FBLN5: variants seen among roughly 807,000 people sequenced by gnomAD.
FBLN5 encodes fibulin-5.
In FBLN5, 24 loss-of-function variants were observed where a neutral mutation model predicts 61.6. The ratio of observed to expected loss-of-function variants is 0.39; its 90% CI spans 0.28 to 0.55. The LOEUF (loss-of-function observed/expected upper bound fraction) is 0.55, where lower values mean the gene tolerates loss of function less well. Among genes scored for constraint, FBLN5 ranks in the 20% least tolerant of loss-of-function variants. The pLI is 0.65. For synonymous variants in FBLN5, 213 were observed against 219.8 expected, an observed-to-expected ratio of 0.97 and a Z score of 0.27; for missense variants, 470 against 594.1, an observed-to-expected ratio of 0.79 and a Z score of 2.17.
intron 4 of FBLN5, among the ~76,000 whole-genome samples, chr14:91,917,179 A>T (rs534438851): frequency 9.2e-5 from 14 of 152,172 alleles, no homozygotes; most frequent in Non-Finnish European, 2.1e-4. Flanking sequence ...TGTTTTAGAG[A>T]TAGTCATTGG....
chr14:91,897,970 A>C (rs971145214), intron 4 of FBLN5, among the ~76,000 whole-genome samples: 6 of 152,150 alleles, frequency 3.9e-5, no homozygotes, highest in African/African-American at 1.4e-4. Flanking sequence ...GGATCACCTG[A>C]GCCCAGGAAG....
At chr14:91,906,073 G>T (rs1001457905) in intron 4 of FBLN5, among the ~76,000 whole-genome samples, 2 of 152,054 alleles carry the variant, frequency 1.3e-5, no homozygotes, top group Non-Finnish European at 2.9e-5. Context: ...TTTCAGTAGA[G>T]ACAGGGTTTT....
intron 10 of FBLN5, among the ~76,000 whole-genome samples, chr14:91,875,505 TG>T (rs2139946388): frequency 6.6e-6 from 1 of 152,324 alleles, no homozygotes; most frequent in South Asian, 2.1e-4. Flanking sequence ...TATCAGGGAC[TG>T]GTCAGTGTGA....
chr14:91,910,039 T>C (rs988259757), intron 4 of FBLN5, among the ~76,000 whole-genome samples: 2 of 152,168 alleles, frequency 1.3e-5, no homozygotes, highest in South Asian at 2.1e-4. Flanking sequence ...TACAAAATAA[T>C]TGTAAGCAGG....
At chr14:91,928,482 G>A (rs2430374) in intron 4 of FBLN5, among the ~76,000 whole-genome samples, 67,292 of 152,070 alleles carry the variant, frequency 0.44, 15,401 homozygotes, top group Middle Eastern at 0.6. Flanking sequence ...TTTAAAAAAC[G>A]AATGTATGGC....
intron 10 of FBLN5, chr14:91,874,674 T>C (rs537066446): frequency 6.6e-6 from 1 of 152,328 alleles, no homozygotes; most frequent in African/African-American, 2.4e-5. Context: ...GCACTTAGAA[T>C]AGTGTCTGGC....
chr14:91,931,951 C>T (rs934456960), intron 4 of FBLN5, among the ~76,000 whole-genome samples: 7 of 152,206 alleles, frequency 4.6e-5, no homozygotes, highest in African/African-American at 1.7e-4. Context: ...CAGCCCCACA[C>T]CGTCCTTCTC....
chr14:91,931,599 G>T (rs1251763167), intron 4 of FBLN5, among the ~76,000 whole-genome samples: 2 of 152,200 alleles, frequency 1.3e-5, no homozygotes, highest in African/African-American at 4.8e-5. Context: ...CAAATGGCCG[G>T]AATTTCTGCA....
At chr14:91,896,933 C>T (rs889081121) in intron 4 of FBLN5, among the ~76,000 whole-genome samples, 19 of 152,182 alleles carry the variant, frequency 1.2e-4, no homozygotes, top group African/African-American at 4.3e-4. Context: ...TAGCATAGGG[C>T]TTTGTGAGCT....
intron 4 of FBLN5, among the ~76,000 whole-genome samples, chr14:91,935,242 G>T (rs962139031): frequency 6.6e-6 from 1 of 152,212 alleles, no homozygotes; most frequent in African/African-American, 2.4e-5. Flanking sequence ...CAAGGGCACT[G>T]GGACCCTGGA....
At chr14:91,902,165 C>T (rs1156251363) in intron 4 of FBLN5, among the ~76,000 whole-genome samples, 3 of 152,096 alleles carry the variant, frequency 2.0e-5, no homozygotes, top group African/African-American at 7.2e-5. Context: ...GTCCCTGCCA[C>T]GGGGCCAGGG....
At chr14:91,917,408 T>C (rs1891238258) in intron 4 of FBLN5, among the ~76,000 whole-genome samples, 2 of 151,618 alleles carry the variant, frequency 1.3e-5, no homozygotes, top group African/African-American at 4.8e-5. Context: ...GAAACATGTC[T>C]CCACTAAAAA....
intron 10 of FBLN5, among the ~76,000 whole-genome samples, chr14:91,876,685 G>A (rs769981636): frequency 2.9e-4 from 44 of 152,186 alleles, no homozygotes; most frequent in Non-Finnish European, 4.1e-4. Context: ...GAAGCTGGAA[G>A]AGATATGGAA....
chr14:91,919,393 G>GAAA, intron 4 of FBLN5, among the ~76,000 whole-genome samples: 1 of 113,322 alleles, frequency 8.8e-6, no homozygotes, highest in Non-Finnish European at 1.8e-5. Context: ...AAGAAAGAAA[G>GAAA]GAAGGAAGGA....
chr14:91,885,600 G>C (rs1224300950), intron 7 of FBLN5, among the ~76,000 whole-genome samples: 1 of 151,612 alleles, frequency 6.6e-6, no homozygotes, highest in East Asian at 1.9e-4. Context: ...TATGAGGGTG[G>C]TTGGTTGGTT....
chr14:91,926,312 C>G (rs535334780), intron 4 of FBLN5, among the ~76,000 whole-genome samples: 1 of 152,216 alleles, frequency 6.6e-6, no homozygotes, highest in African/African-American at 2.4e-5. Context: ...TGGAGGGAGG[C>G]TGTCTGGCTC....
At chr14:91,870,568 C>G (rs1271562738) in intron 10 of FBLN5, among the ~76,000 whole-genome samples, 183 bp from the exon 11 acceptor site, 1 of 152,238 alleles carries the variant, frequency 6.6e-6, no homozygotes, top group Non-Finnish European at 1.5e-5. Flanking sequence ...CCCTTCAGGT[C>G]TCATCTGAAA....
intron 4 of FBLN5, among the ~76,000 whole-genome samples, chr14:91,917,500 C>A (rs536465262): frequency 1.6e-5 from 2 of 126,356 alleles, no homozygotes; most frequent in South Asian, 2.7e-4. Flanking sequence ...TGCTTAAATG[C>A]GGGAGGTAGA....
chr14:91,940,915 A>G (rs770921199), intron 2 of FBLN5, among the ~76,000 whole-genome samples: 1 of 151,976 alleles, frequency 6.6e-6, no homozygotes, highest in Admixed American at 6.5e-5. Flanking sequence ...GACCGCCCTC[A>G]AGACCCCATC....
Sources: allele counts gnomAD v4.1 joint callset (sites outside exome capture counted in the v4.1 genomes callset), GRCh38; gene constraint gnomAD v4.1.1; transcripts MANE v1.5; gene names NCBI Gene and HGNC (gene_info 2026-07-23, HGNC 2026-07-21).